Variants in CERS1 observed in about 807,000 individuals in gnomAD.
CERS1 encodes the protein Embryonic growth/differentiation factor 1.
A neutral mutation model predicts 35.7 loss-of-function variants in CERS1; 16 were observed. The ratio of observed to expected loss-of-function variants is 0.45; its 90% CI spans 0.30 to 0.68. The LOEUF (loss-of-function observed/expected upper bound fraction) is 0.68, where lower values mean the gene tolerates loss of function less well. Among genes scored for constraint, CERS1 ranks in the 30% least tolerant of loss-of-function variants. The pLI is 0.08. For synonymous variants in CERS1, 243 were observed against 201.6 expected, an observed-to-expected ratio of 1.21 and a Z score of -1.74; for missense variants, 454 against 453.9, an observed-to-expected ratio of 1.00 and a Z score of 0.00.
rs1215305703 is a variant in CERS1 at position 18,870,897 on chromosome 19, T to C, written c.1011-278A>G. On this transcript the variant is annotated intron_variant, in intron 6 of 7. Transcript: ENST00000623882. This position sits in a 1 kb window ranked among gnomAD's most constrained non-coding sequence, Gnocchi z 5.1. Reference sequence around the variant, plus strand: ...CAATTAAACCTTCCTCTTCCCCTCCTCCCTGCCTCTCCAGGCCGCTGGAGG... The same window carrying C: ...CAATTAAACCTTCCTCTTCCCCTCCCCCCTGCCTCTCCAGGCCGCTGGAGG... 6.6e-6 allele frequency among the ~76,000 whole-genome samples: 1 copy of C among 151,276 alleles called. No homozygotes were observed. Among genetic ancestry groups the C allele is most frequent in the Non-Finnish European group, 1.5e-5 (1 of 67,866 alleles).
At position 18,878,312 on chromosome 19, in the gene CERS1, G is replaced by A; in HGVS notation, c.1010+618C>T. ...GCCCAGACACCCCCTGCCTGCCCCA[G>A]GCCTGGGGCTTCGGACACCATCTGG... On this transcript the variant is annotated intron_variant, in intron 6 of 7. Coordinates refer to ENST00000623882, the MANE Select transcript of CERS1 (RefSeq NM_021267.5). The surrounding 1 kb of genome is among the most constrained non-coding windows in gnomAD (Gnocchi z 4.6). 1 of 984,692 alleles carries A rather than the reference G, an allele frequency of 1.0e-6. No homozygotes were observed. Among genetic ancestry groups the A allele is most frequent in the Non-Finnish European group, 1.2e-6 (1 of 830,048 alleles). 61.0% of individuals were successfully genotyped at this position (984,692 alleles called of 1,614,324 possible).
At position 18,884,155 on chromosome 19, in the gene CERS1, C is replaced by T. The variant is rs778674727; in HGVS notation, c.522G>A (p.Lys174=). The T allele has an allele frequency of 3.7e-6, 6 of 1,613,802 alleles. No individual in the cohort carries two copies. The East Asian group carries it at 6.7e-5, about 18-fold the overall frequency. The stretch of plus-strand genomic sequence containing the variant: ...GGTGGAGCAGCATGACCACCGAGTC[C>T]TTGCGCCAGGTGTCCATGTATAGCG... ...YATLYMDTWR[K]DSVVMLLHHV... Residue 174 remains lysine, a synonymous_variant, in exon 3 of 8, where the codon AAG becomes AAA. Transcript: ENST00000623882.
At chr19:18,892,534 A>C (rs563989396) in intron 2 of CERS1, among the ~76,000 whole-genome samples, 4 of 152,164 alleles carry the variant, frequency 2.6e-5, no homozygotes, top group Admixed American at 1.3e-4. Flanking sequence ...GAATGGCGTG[A>C]ACCCAGGAGG....
intron 2 of CERS1, among the ~76,000 whole-genome samples, 164 bp downstream of exon 2, chr19:18,893,252 T>C (rs2056539668): frequency 6.6e-6 from 1 of 152,152 alleles, no homozygotes; most frequent in Non-Finnish European, 1.5e-5. Flanking sequence ...TCTCACTCTG[T>C]CGTCCAGGCT....
At position 18,878,023 on chromosome 19, in the gene CERS1, C is replaced by T. The variant is rs2056094743; in HGVS notation, c.1010+907G>A. 9 of 985,490 alleles carry T rather than the reference C, an allele frequency of 9.1e-6. No individual in the cohort carries two copies. The highest frequency in any genetic ancestry group is 1.1e-5 in the Non-Finnish European group (9 of 829,970). 61.0% of individuals were successfully genotyped at this position (985,490 alleles called of 1,614,324 possible). On this transcript the variant is annotated intron_variant, in intron 6 of 7. Transcript: ENST00000623882. This position sits in a 1 kb window ranked among gnomAD's most constrained non-coding sequence, Gnocchi z 4.6. ...CTGACGCTCCTCTGCCTGGCTACAG[C>T]CCCGGATGTGTTAAATGTCTGCATC...
chr19:18,879,138 G>C, intron 5 of CERS1, 99 bp from the exon 6 acceptor site: 1 of 1,589,426 alleles, frequency 6.3e-7, no homozygotes, highest in Non-Finnish European at 8.6e-7. Flanking sequence ...CACACGGGCT[G>C]TCTGCCACCT....
At position 18,868,649 on chromosome 19, in the gene CERS1, A is replaced by G. The variant is rs1392820474; in HGVS notation, c.*1336T>C. 2 of 1,575,354 alleles carry G rather than the reference A, an allele frequency of 1.3e-6. No individual in the cohort carries two copies. Among genetic ancestry groups the G allele is most frequent in the South Asian group, 2.3e-5 (2 of 86,014 alleles). ...CATGTCCTCATACTGCCGCAGCACCACGTTGTCGCTGTTGTCAAAGAAGAG... is the reference window on the plus strand; with the variant it reads ...CATGTCCTCATACTGCCGCAGCACCGCGTTGTCGCTGTTGTCAAAGAAGAG... On this transcript the variant is annotated 3_prime_UTR_variant, in exon 8 of 8. Transcript: ENST00000623882.
Position 18,870,085 on chromosome 19 carries a change from T to C in CERS1, c.*492A>G. 1 of 1,579,526 alleles carries C rather than the reference T, an allele frequency of 6.3e-7. No homozygotes were observed. Among genetic ancestry groups the C allele is most frequent in the Non-Finnish European group, 8.6e-7 (1 of 1,167,456 alleles). ...GGGGACGTCCGCCGCGAGCCAGACC[T>C]GGTCTCCTGGGGGTCCCGGCGTCGA... is the stretch of plus-strand genomic sequence containing the variant. On this transcript the variant is annotated 3_prime_UTR_variant, in exon 7 of 8. Coordinates refer to ENST00000623882, the MANE Select transcript of CERS1 (RefSeq NM_021267.5). The surrounding 1 kb of genome is among the most constrained non-coding windows in gnomAD (Gnocchi z 5.1).
intron 2 of CERS1, among the ~76,000 whole-genome samples, chr19:18,886,732 G>A (rs2056370815): frequency 6.6e-6 from 1 of 151,928 alleles, no homozygotes; most frequent in South Asian, 2.1e-4. Context: ...CTGCCTTGGT[G>A]ACCTGCCCTG....
At chr19:18,893,247 C>T (rs998029638) in intron 2 of CERS1, among the ~76,000 whole-genome samples, 169 bp downstream of exon 2, 5 of 152,144 alleles carry the variant, frequency 3.3e-5, no homozygotes, top group African/African-American at 4.8e-5. Context: ...CAGGGTCTCA[C>T]TCTGTCGTCC....
chr19:18,883,608 G>A (rs560108138), intron 3 of CERS1, among the ~76,000 whole-genome samples: 1 of 152,316 alleles, frequency 6.6e-6, no homozygotes, highest in African/African-American at 2.4e-5. Flanking sequence ...CTTTGAAGCC[G>A]GGTGGGTTTT....
chr19:18,873,807 C>T (rs1411361481), intron 6 of CERS1, among the ~76,000 whole-genome samples: 1 of 150,580 alleles, frequency 6.6e-6, no homozygotes, highest in Non-Finnish European at 1.5e-5. Flanking sequence ...CACCACTGTA[C>T]TCCAGCCTGG....
At position 18,868,821 on chromosome 19, in the gene CERS1, G is replaced by C; in HGVS notation, c.*1164C>G. 1.4e-6 allele frequency: 2 copies of C among 1,457,648 alleles called. No homozygotes were observed. The highest frequency in any genetic ancestry group is 1.8e-6 in the Non-Finnish European group (2 of 1,095,186). The allele number at this position is 1,457,648 out of a possible 1,614,324, so 90.3% of individuals were successfully genotyped here. A position where few individuals can be genotyped will look rare whatever the true frequency, so the allele number is the denominator to read the frequency against. On this transcript the variant is annotated 3_prime_UTR_variant, in exon 8 of 8. Coordinates refer to ENST00000623882, the MANE Select transcript of CERS1 (RefSeq NM_021267.5). ...GACAGCGCGACGGGCAGCGCGCACT[G>C]ACCCTGGCAGTAGTTGGCCAGGAAG...
At position 18,870,600 on chromosome 19, in the gene CERS1, G is replaced by T; in HGVS notation, c.1030C>A (p.Leu344Met). 1.7e-6 allele frequency: 1 copy of T among 586,010 alleles called. No individual in the cohort carries two copies. The highest frequency in any genetic ancestry group is 3.1e-6 in the Non-Finnish European group (1 of 323,632). The allele number at this position is 586,010 out of a possible 1,614,324, so 36.3% of individuals were successfully genotyped here. Residue 344 changes from leucine (L) to methionine (M), a missense_variant, in exon 7 of 8, where the codon CTG (leucine) becomes ATG (methionine). Transcript: ENST00000623882. The surrounding 1 kb of genome is among the most constrained non-coding windows in gnomAD (Gnocchi z 5.1). ...SKAEKPLRNG[L>M]VKDKRF Reference sequence around the variant, plus strand: ...GTTCAGAAGCGCTTGTCCTTCACCAGGCCGTTCCTCAGTGGCTTCCTGGGG... The same window carrying T: ...GTTCAGAAGCGCTTGTCCTTCACCATGCCGTTCCTCAGTGGCTTCCTGGGG...
chr19:18,879,139 T>C (rs1601162307), intron 5 of CERS1, 100 bp from the exon 6 acceptor site: 7 of 1,589,646 alleles, frequency 4.4e-6, no homozygotes, highest in South Asian at 3.4e-5. Flanking sequence ...ACACGGGCTG[T>C]CTGCCACCTA....
intron 6 of CERS1, among the ~76,000 whole-genome samples, chr19:18,875,556 A>G (rs542437281): frequency 3.9e-5 from 6 of 152,234 alleles, no homozygotes; most frequent in Admixed American, 6.5e-5. Flanking sequence ...AAAAAAAAAA[A>G]AAGAAGCTTT....
In CERS1 at chr19:18,870,348, G is replaced by T; in HGVS notation, c.*229C>A. 6.5e-7 allele frequency: 1 copy of T among 1,541,890 alleles called. No homozygotes were observed. On this transcript the variant is annotated 3_prime_UTR_variant, in exon 7 of 8. Coordinates refer to ENST00000623882, the MANE Select transcript of CERS1 (RefSeq NM_021267.5). This position sits in a 1 kb window ranked among gnomAD's most constrained non-coding sequence, Gnocchi z 5.1. ...TGACCAGAGAGTGCGCAGGGTCCGC[G>T]GCGGCCCGGGACCAGTGGGCTGAGG... is the stretch of plus-strand genomic sequence containing the variant.
At chr19:18,881,085 G>A (rs2056193847) in intron 3 of CERS1, among the ~76,000 whole-genome samples, 1 of 152,084 alleles carries the variant, frequency 6.6e-6, no homozygotes, top group Non-Finnish European at 1.5e-5. Flanking sequence ...GGTACTCTGT[G>A]TCCAGATCCT....
At chr19:18,886,283 C>T (rs993560475) in intron 2 of CERS1, among the ~76,000 whole-genome samples, 74 of 152,286 alleles carry the variant, frequency 4.9e-4, no homozygotes, top group African/African-American at 1.5e-3. Flanking sequence ...GGCGCAGTGG[C>T]TCACGCCTGT....
Sources: allele counts gnomAD v4.1 joint callset (sites outside exome capture counted in the v4.1 genomes callset), GRCh38; gene constraint gnomAD v4.1.1; non-coding constraint Gnocchi (gnomAD v3.1); transcripts MANE v1.5; gene names NCBI Gene and HGNC (gene_info 2026-07-23, HGNC 2026-07-21).